ACACA: variants seen among roughly 807,000 people sequenced by gnomAD.
ACACA encodes the protein acetyl-CoA carboxylase 1.
A neutral mutation model predicts 296.1 loss-of-function variants in ACACA; 103 were observed. The observed-to-expected ratio is 0.35, with a 90% CI of 0.30 to 0.41. The LOEUF (loss-of-function observed/expected upper bound fraction) is 0.41. Ranked by LOEUF, ACACA falls within the 10% of genes least tolerant of loss-of-function variation. The pLI, the probability that ACACA is intolerant of heterozygous loss-of-function variation, is 1.00. For synonymous variants in ACACA, 953 were observed against 1,038.6 expected, an observed-to-expected ratio of 0.92 and a Z score of 1.58; for missense variants, 1,554 against 2,989.7, an observed-to-expected ratio of 0.52 and a Z score of 11.20.
rs67821579 is a variant in ACACA at position 37,185,402 on chromosome 17, C to CTTTTTTTTTTTTTTTTTTT, written c.4776+2856_4776+2874dup. ...TGCATGACACCATGCCTGGCTATTTCTTTTTTTTTTTTTTTTTTTTTTTTT... is the reference window on the plus strand; with the variant it reads ...TGCATGACACCATGCCTGGCTATTTCTTTTTTTTTTTTTTTTTTTTTTTTTTTTTTTTTTTTTTTTTTTT... On this transcript the variant is annotated intron_variant, in intron 39 of 55. Transcript: ENST00000616317. Among the ~76,000 whole-genome samples, 4 of 48,438 alleles carry CTTTTTTTTTTTTTTTTTTT rather than the reference C, an allele frequency of 8.3e-5. 1 individual carries two copies. The highest frequency in any genetic ancestry group is 3.7e-4 in the African/African-American group (4 of 10,846). The allele number at this position is 48,438 out of a possible 152,430, so 31.8% of individuals were successfully genotyped here. A position where few individuals can be genotyped will look rare whatever the true frequency, so the allele number is the denominator to read the frequency against.
chr17:37,275,870 A>G (rs2082265556), intron 8 of ACACA, 81 bp downstream of exon 8: 1 of 1,186,668 alleles, frequency 8.4e-7, no homozygotes, highest in Non-Finnish European at 1.3e-6. Flanking sequence ...GTATACCAAT[A>G]CTTTTTCAAA....
intron 42 of ACACA, among the ~76,000 whole-genome samples, chr17:37,160,492 G>A (rs941950888): frequency 2.0e-5 from 3 of 152,158 alleles, no homozygotes; most frequent in Admixed American, 6.5e-5. Context: ...AGGGAAGTGC[G>A]TGTTACAGGT....
At chr17:37,333,215 C>T (rs2047965127) in intron 2 of ACACA, among the ~76,000 whole-genome samples, 1 of 152,124 alleles carries the variant, frequency 6.6e-6, no homozygotes, top group African/African-American at 2.4e-5. Flanking sequence ...GCCCATGCAG[C>T]AATATGGAGA....
intron 2 of ACACA, among the ~76,000 whole-genome samples, chr17:37,335,460 A>G (rs547887377): frequency 4.9e-4 from 75 of 152,178 alleles, no homozygotes; most frequent in African/African-American, 1.8e-3. Flanking sequence ...TAGTCTGCCT[A>G]CCCTCAGGAA....
At chr17:37,181,052 C>A in intron 40 of ACACA, 149 bp downstream of exon 40, 1 of 858,596 alleles carries the variant, frequency 1.2e-6, no homozygotes, top group Middle Eastern at 2.4e-4. Context: ...TGGCAGTCAC[C>A]AATCCTCAAA....
chr17:37,338,097 AAAAATAAAAT>A (rs376387915), intron 2 of ACACA, among the ~76,000 whole-genome samples: 2,951 of 149,030 alleles, frequency 0.02, 82 homozygotes, highest in African/African-American at 0.064. Flanking sequence ...ACTCCGTCTC[AAAAATAAAAT>A]AAAATAAAAT....
intron 1 of ACACA, among the ~76,000 whole-genome samples, chr17:37,365,285 AT>A: frequency 6.6e-6 from 1 of 152,216 alleles, no homozygotes; most frequent in East Asian, 1.9e-4. Context: ...ATTAGGATAT[AT>A]TTTTTTGTCT....
chr17:37,121,100 G>T (rs17848785), intron 50 of ACACA, among the ~76,000 whole-genome samples: 1 of 151,790 alleles, frequency 6.6e-6, no homozygotes, highest in Non-Finnish European at 1.5e-5. Flanking sequence ...GCATCCATCT[G>T]TGAGAGCGAG....
At chr17:37,266,510 A>T (rs2081785860) in intron 10 of ACACA, among the ~76,000 whole-genome samples, 1 of 151,536 alleles carries the variant, frequency 6.6e-6, no homozygotes, top group South Asian at 2.1e-4. Context: ...TCTAGCTGAA[A>T]GGGTAATTTA....
chr17:37,210,399 TCCTGG>T, intron 30 of ACACA, 63 bp downstream of exon 30: 2 of 1,441,134 alleles, frequency 1.4e-6, no homozygotes, highest in Admixed American at 1.7e-5. Context: ...GTTTTTTTTT[TCCTGG>T]TTTCACTATT....
At chr17:37,320,980 A>C (rs1408522229) in intron 3 of ACACA, among the ~76,000 whole-genome samples, 1 of 152,052 alleles carries the variant, frequency 6.6e-6, no homozygotes, top group Non-Finnish European at 1.5e-5. Flanking sequence ...TGTGGGAAAT[A>C]ATAGCACAAT....
intron 29 of ACACA, among the ~76,000 whole-genome samples, chr17:37,210,996 A>C (rs966235133): frequency 2.6e-5 from 4 of 152,120 alleles, no homozygotes; most frequent in African/African-American, 4.8e-5. Context: ...TGACAGACCT[A>C]CAAATTCTCC....
intron 9 of ACACA, among the ~76,000 whole-genome samples, chr17:37,272,857 G>A (rs2082127328): frequency 6.6e-6 from 1 of 152,092 alleles, no homozygotes; most frequent in Non-Finnish European, 1.5e-5. Context: ...ATAAATCTAT[G>A]AGTTGAAAAG....
chr17:37,299,518 G>T lies in ACACA; in HGVS notation c.339-14548C>A, dbSNP rs1206548000. 3.2e-5 allele frequency: 46 copies of T among 1,440,096 alleles called. No homozygotes were observed. The East Asian group carries it at 8.6e-4, about 27-fold the overall frequency. The allele number at this position is 1,440,096 out of a possible 1,614,324, so 89.2% of individuals were successfully genotyped here. On this transcript the variant is annotated intron_variant, in intron 3 of 55. Coordinates refer to ENST00000616317, the MANE Select transcript of ACACA (RefSeq NM_198834.3). ...CAAACTATAGTCTTTTTGTCTAATTGTTCCCAATTTCCTTCTTTCCCCACC... is the reference window on the plus strand; with the variant it reads ...CAAACTATAGTCTTTTTGTCTAATTTTTCCCAATTTCCTTCTTTCCCCACC...
intron 29 of ACACA, among the ~76,000 whole-genome samples, chr17:37,218,795 A>C (rs1423549498): frequency 1.3e-5 from 2 of 152,230 alleles, no homozygotes; most frequent in African/African-American, 4.8e-5. Context: ...TGATCAAAAC[A>C]ATAACATACA....
chr17:37,204,906 C>T (rs1474260146), intron 33 of ACACA, among the ~76,000 whole-genome samples: 1 of 152,110 alleles, frequency 6.6e-6, no homozygotes, highest in Non-Finnish European at 1.5e-5. Context: ...ACATTTGGGA[C>T]ATTTAATTTT....
chr17:37,126,192 T>A (rs1320237564), intron 47 of ACACA, among the ~76,000 whole-genome samples: 1 of 152,194 alleles, frequency 6.6e-6, no homozygotes, highest in Non-Finnish European at 1.5e-5. Flanking sequence ...GCCTTACAAT[T>A]TTGTTTGATT....
At chr17:37,248,236 G>T in intron 17 of ACACA, 80 bp from the exon 18 acceptor site, 1 of 1,539,108 alleles carries the variant, frequency 6.5e-7, no homozygotes, top group East Asian at 2.3e-5. Flanking sequence ...CAAAAATACA[G>T]ATAAGAAAGA....
intron 39 of ACACA, among the ~76,000 whole-genome samples, chr17:37,181,715 T>C (rs1479692016): frequency 2.0e-5 from 3 of 151,682 alleles, no homozygotes; most frequent in Non-Finnish European, 4.4e-5. Flanking sequence ...CTGGCTAACA[T>C]GGTGAAACCT....
Sources: allele counts gnomAD v4.1 joint callset (sites outside exome capture counted in the v4.1 genomes callset), GRCh38; gene constraint gnomAD v4.1.1; transcripts MANE v1.5; gene names NCBI Gene and HGNC (gene_info 2026-07-23, HGNC 2026-07-21).